The following MYLK variants were observed in gnomAD, a reference collection of about 807,000 sequenced individuals.
The protein encoded by MYLK is myosin light chain kinase, smooth muscle.
Under a neutral mutation model 203.4 loss-of-function variants are expected in MYLK, and 106 were observed. The ratio of observed to expected loss-of-function variants is 0.52; its 90% confidence interval spans 0.45 to 0.61. The LOEUF (loss-of-function observed/expected upper bound fraction) is 0.61, where lower values mean the gene tolerates loss of function less well. MYLK is among the 20% of genes least tolerant of loss of function. The pLI, the probability that MYLK is intolerant of heterozygous loss-of-function variation, is 0.00. For missense variants in MYLK, 2,072 were observed against 2,442.3 expected (o/e 0.85, Z 3.20); for synonymous variants, 867 against 959.5 (o/e 0.90, Z 1.78).
At chr3:123,812,918 C>T (rs938292186) in intron 3 of MYLK, among the ~76,000 whole-genome samples, 1 of 152,174 alleles carries the variant, frequency 6.6e-6, no homozygotes, top group South Asian at 2.1e-4. Context: ...GGGAAGGGGG[C>T]CTTCTCCACA....
At position 123,649,175 on chromosome 3, in the gene MYLK, C is replaced by T. The variant is rs1442217314; in HGVS notation, c.4308G>A (p.Glu1436=). 6.2e-6 allele frequency: 10 copies of T among 1,613,002 alleles called. No individual in the cohort carries two copies. Among genetic ancestry groups the T allele is most frequent in the Non-Finnish European group, 8.5e-6 (10 of 1,180,008 alleles). Residue 1436 remains glutamate, a synonymous_variant, in exon 25 of 34, where the codon GAG becomes GAA. Transcript: ENST00000360304. ...EKPEEPKDEV[E]VSDDDEKEPE... ...GGCTGCACTCACCATCATCTGACAC[C>T]TCCACTTCATCCTTCGGCTCTGGGG...
At chr3:123,840,950 C>T (rs972974019) in intron 2 of MYLK, among the ~76,000 whole-genome samples, 1 of 152,022 alleles carries the variant, frequency 6.6e-6, no homozygotes, top group Non-Finnish European at 1.5e-5. Flanking sequence ...CAGAAGTCCT[C>T]TTATGAGACA....
intron 4 of MYLK, among the ~76,000 whole-genome samples, chr3:123,782,112 G>A (rs1273988470): frequency 6.6e-6 from 1 of 152,156 alleles, no homozygotes; most frequent in East Asian, 1.9e-4. Context: ...GAAGGAATGT[G>A]AGACTCGGGA....
At position 123,613,690 on chromosome 3, in the gene MYLK, G is replaced by A; in HGVS notation, c.*415C>T. The A allele has an allele frequency of 4.3e-6, 1 of 230,440 alleles. No individual in the cohort carries two copies. The highest frequency in any genetic ancestry group is 8.6e-6 in the Non-Finnish European group (1 of 116,096). The allele number at this position is 230,440 out of a possible 1,614,324, so 14.3% of individuals were successfully genotyped here. On this transcript the variant is annotated 3_prime_UTR_variant, in exon 34 of 34. Coordinates refer to ENST00000360304, the MANE Select transcript of MYLK (RefSeq NM_053025.4). Reference sequence around the variant, plus strand: ...GTTCTCTAGAGTCAGGGGGTGGGGAGAGAGAGGCCTCCCATCCCCAGGAAC... The same window carrying A: ...GTTCTCTAGAGTCAGGGGGTGGGGAAAGAGAGGCCTCCCATCCCCAGGAAC...
At chr3:123,864,367 G>A (rs12495918) in intron 2 of MYLK, among the ~76,000 whole-genome samples, 13,073 of 152,112 alleles carry the variant, frequency 0.086, 680 homozygotes, top group Non-Finnish European at 0.13. Flanking sequence ...AAAAAATAAC[G>A]TAAACAATAT....
At chr3:123,694,095 T>C (rs559621402) in intron 18 of MYLK, among the ~76,000 whole-genome samples, 60 of 152,352 alleles carry the variant, frequency 3.9e-4, no homozygotes, top group African/African-American at 1.3e-3. Context: ...ATATCAGTTC[T>C]GCCCAGAAAA....
intron 33 of MYLK, among the ~76,000 whole-genome samples, chr3:123,614,581 C>T (rs951393596): frequency 6.6e-6 from 1 of 152,198 alleles, no homozygotes; most frequent in African/African-American, 2.4e-5. Flanking sequence ...ATTTCCCACA[C>T]ATGTTGGACT....
intron 13 of MYLK, among the ~76,000 whole-genome samples, chr3:123,712,139 C>G (rs2108668756): frequency 6.6e-6 from 1 of 152,344 alleles, no homozygotes; most frequent in South Asian, 2.1e-4. Context: ...GTGCTGCTGA[C>G]TCAGCACCGC....
At chr3:123,730,914 A>C (rs2062452905) in intron 11 of MYLK, among the ~76,000 whole-genome samples, 1 of 152,180 alleles carries the variant, frequency 6.6e-6, no homozygotes. Context: ...TGTTATGTGA[A>C]TTATATCTCA....
At chr3:123,728,353 A>G (rs1253809702) in intron 11 of MYLK, among the ~76,000 whole-genome samples, 1 of 152,118 alleles carries the variant, frequency 6.6e-6, no homozygotes, top group Non-Finnish European at 1.5e-5. Context: ...AAAAAATAAA[A>G]TTAAAATATT....
At chr3:123,652,913 G>A (rs1368174326) in intron 24 of MYLK, among the ~76,000 whole-genome samples, 4 of 152,104 alleles carry the variant, frequency 2.6e-5, no homozygotes, top group South Asian at 2.1e-4. Flanking sequence ...GGAGCTCCAC[G>A]GGGAACCCAT....
chr3:123,630,333 A>C (rs1470234159), intron 29 of MYLK, among the ~76,000 whole-genome samples: 1 of 152,208 alleles, frequency 6.6e-6, no homozygotes, highest in African/African-American at 2.4e-5. Context: ...ATTTAACTAT[A>C]GGGTGGTCAC....
intron 24 of MYLK, among the ~76,000 whole-genome samples, chr3:123,656,785 C>T (rs1031427073): frequency 6.6e-6 from 1 of 152,160 alleles, no homozygotes; most frequent in Non-Finnish European, 1.5e-5. Flanking sequence ...ACCAAGTAGA[C>T]ACTCAAATAT....
At chr3:123,750,443 C>A (rs1247833956) in intron 5 of MYLK, among the ~76,000 whole-genome samples, 1 of 152,068 alleles carries the variant, frequency 6.6e-6, no homozygotes, top group Admixed American at 6.5e-5. Context: ...GATCTCACTT[C>A]CTGAACAGTA....
At chr3:123,776,714 AT>A (rs1195218618) in intron 4 of MYLK, among the ~76,000 whole-genome samples, 4 of 152,260 alleles carry the variant, frequency 2.6e-5, no homozygotes, top group Non-Finnish European at 5.9e-5. Context: ...TATATTACAT[AT>A]GCAGCAAAGA....
chr3:123,723,655 T>G (rs879780951), intron 12 of MYLK, among the ~76,000 whole-genome samples: 1 of 152,176 alleles, frequency 6.6e-6, no homozygotes, highest in Non-Finnish European at 1.5e-5. Context: ...TCAGGGCACA[T>G]CAGAATTGGG....
intron 33 of MYLK, chr3:123,616,391 A>G (rs1398113308): frequency 1.3e-5 from 2 of 152,202 alleles, no homozygotes; most frequent in Non-Finnish European, 2.9e-5. Context: ...GTACATATAT[A>G]TGTACAGAAG....
intron 4 of MYLK, among the ~76,000 whole-genome samples, chr3:123,791,708 T>C (rs1443439147): frequency 1.3e-5 from 2 of 152,236 alleles, no homozygotes; most frequent in African/African-American, 4.8e-5. Context: ...ACATGTAATA[T>C]ACAAGGTCAA....
intron 13 of MYLK, among the ~76,000 whole-genome samples, chr3:123,721,572 C>T (rs1360597588): frequency 2.6e-5 from 4 of 151,946 alleles, no homozygotes; most frequent in African/African-American, 4.8e-5. Flanking sequence ...AGCCTGGGCC[C>T]GTGAGTAGAA....
Sources: gnomAD v4.1 joint callset for allele counts (sites outside exome capture counted in the v4.1 genomes callset) on GRCh38, gnomAD v4.1.1 for gene constraint, MANE v1.5 for transcripts, NCBI Gene and HGNC (gene_info 2026-07-23, HGNC 2026-07-21) for gene names.